SLC24A4: variants seen among roughly 807,000 people sequenced by gnomAD.
The protein encoded by SLC24A4 is sodium/potassium/calcium exchanger 4.
SLC24A4 carries 53 observed loss-of-function variants against 79.0 expected under a neutral mutation model. The ratio of observed to expected loss-of-function variants is 0.67; its 90% CI spans 0.54 to 0.84. SLC24A4 has a LOEUF of 0.84. SLC24A4 is among the 40% of genes least tolerant of loss of function. SLC24A4 has a pLI of 0.00. For missense variants in SLC24A4, 731 were observed against 822.0 expected, an observed-to-expected ratio of 0.89 and a Z score of 1.35; for synonymous variants, 323 against 323.8, an observed-to-expected ratio of 1.00 and a Z score of 0.03.
intron 2 of SLC24A4, among the ~76,000 whole-genome samples, chr14:92,395,772 G>A (rs1251614084): frequency 6.6e-6 from 1 of 152,132 alleles, no homozygotes; most frequent in Non-Finnish European, 1.5e-5. Context: ...CTTTAGGGGT[G>A]TATACCTTCT....
intron 2 of SLC24A4, among the ~76,000 whole-genome samples, chr14:92,362,225 C>CTG (rs56811634): frequency 0.9 from 136,498 of 152,018 alleles, 63,083 homozygotes; most frequent in East Asian, 1. Context: ...GGTCCCTGTC[C>CTG]CTGTCCAGCC....
intron 13 of SLC24A4, chr14:92,484,041 G>A: frequency 2.0e-6 from 2 of 985,302 alleles, no homozygotes; most frequent in Non-Finnish European, 2.4e-6. Flanking sequence ...CACAGAAGCT[G>A]GTGACTCCCT....
intron 12 of SLC24A4, among the ~76,000 whole-genome samples, chr14:92,478,507 C>T (rs1157939977): frequency 2.0e-5 from 3 of 152,132 alleles, no homozygotes; most frequent in South Asian, 2.1e-4. Flanking sequence ...CAGTAAATGT[C>T]GAGTCCATAA....
intron 2 of SLC24A4, among the ~76,000 whole-genome samples, chr14:92,344,422 T>C (rs1176517252): frequency 6.6e-6 from 1 of 152,170 alleles, no homozygotes; most frequent in Non-Finnish European, 1.5e-5. Flanking sequence ...ACTGATACAG[T>C]TTCTCAGTAG....
chr14:92,383,113 T>C (rs1319233245), intron 2 of SLC24A4, among the ~76,000 whole-genome samples: 1 of 152,204 alleles, frequency 6.6e-6, no homozygotes, highest in Non-Finnish European at 1.5e-5. Flanking sequence ...ATCATTTCTA[T>C]GGCTTCACAT....
At position 92,443,483 on chromosome 14, in the gene SLC24A4, C is replaced by T; in HGVS notation, c.657+9C>T. On this transcript the variant is annotated intron_variant, in intron 7 of 16. Coordinates refer to ENST00000532405, the MANE Select transcript of SLC24A4 (RefSeq NM_153646.4). ...TCATCGTGCTCATCGTGGTGAGTTG[C>T]CCCTCTGCCCCCAAGGTCAGGTTGG... The T allele has an allele frequency of 9.9e-6, 16 of 1,614,034 alleles. No homozygotes were observed. The highest frequency in any genetic ancestry group is 1.3e-5 in the Non-Finnish European group (15 of 1,179,912).
chr14:92,333,560 T>C (rs1179019795), intron 2 of SLC24A4, among the ~76,000 whole-genome samples: 1 of 152,208 alleles, frequency 6.6e-6, no homozygotes, highest in Non-Finnish European at 1.5e-5. Context: ...ATTTGCTTTA[T>C]TGTGTGTGGT....
chr14:92,397,048 CTATT>C (rs1465367213), intron 2 of SLC24A4, among the ~76,000 whole-genome samples: 1 of 152,178 alleles, frequency 6.6e-6, no homozygotes, highest in African/African-American at 2.4e-5. Context: ...ACATTTTCTT[CTATT>C]TATTTCTGGG....
chr14:92,474,863 A>ATATATATATATTT lies in SLC24A4; in HGVS notation c.1256-7816_1256-7815insATATATATATTTT, dbSNP rs36185636. 2.3e-4 allele frequency among the ~76,000 whole-genome samples: 13 copies of ATATATATATATTT among 57,124 alleles called. 1 individual carries two copies. Among genetic ancestry groups the ATATATATATATTT allele is most frequent in the East Asian group, 1.4e-3 (3 of 2,122 alleles). The allele number at this position is 57,124 out of a possible 152,430, so 37.5% of individuals were successfully genotyped here. On this transcript the variant is annotated intron_variant, in intron 12 of 16. Transcript: ENST00000532405. ...TGTGTGTATATATATATATATATAT[A>ATATATATATATTT]TTTTTTTTTTTTTTAGTAGACACAG... is the stretch of plus-strand genomic sequence containing the variant.
intron 12 of SLC24A4, 32 bp from the exon 13 acceptor site, chr14:92,482,648 C>A: frequency 6.4e-7 from 1 of 1,567,658 alleles, no homozygotes; most frequent in Non-Finnish European, 8.7e-7. Context: ...TTCTCTCCCC[C>A]TCCTTTCTCA....
chr14:92,371,629 G>C (rs190637737), intron 2 of SLC24A4, among the ~76,000 whole-genome samples: 1 of 151,940 alleles, frequency 6.6e-6, no homozygotes, highest in Non-Finnish European at 1.5e-5. Context: ...CACCCCATTC[G>C]GGACCCCTCT....
At position 92,323,837 on chromosome 14, in the gene SLC24A4, C is replaced by G. The variant is rs2141580526; in HGVS notation, c.7C>G (p.Leu3Val). The G allele has an allele frequency of 6.3e-7, 1 of 1,577,380 alleles. No individual in the cohort carries two copies. The highest frequency in any genetic ancestry group is 8.6e-7 in the Non-Finnish European group (1 of 1,169,114). MA[L>V]RGTLRPLKVR... ...GGCACCCAGGCGCTCCGGGATGGCG[C>G]TCCGCGGGACCCTCCGGCCGCTCAA... The change falls in exon 1 of 17, where the codon CTC becomes GTC. Residue 3 changes from leucine (L) to valine (V), a missense_variant. Transcript: ENST00000532405. This position sits in a 1 kb window ranked among gnomAD's most constrained non-coding sequence, Gnocchi z 4.9.
chr14:92,437,387 C>G (rs1162322461), intron 3 of SLC24A4, among the ~76,000 whole-genome samples: 1 of 152,234 alleles, frequency 6.6e-6, no homozygotes, highest in Non-Finnish European at 1.5e-5. Context: ...CACTGTATCT[C>G]TGATCCCCTC....
At chr14:92,480,343 G>A (rs1412040541) in intron 12 of SLC24A4, among the ~76,000 whole-genome samples, 2 of 109,940 alleles carry the variant, frequency 1.8e-5, no homozygotes, top group African/African-American at 6.4e-5. Context: ...CCGAACTGCG[G>A]ACTGCAGTGG....
chr14:92,417,165 A>G (rs968827854), intron 2 of SLC24A4, among the ~76,000 whole-genome samples: 1 of 152,200 alleles, frequency 6.6e-6, no homozygotes, highest in Non-Finnish European at 1.5e-5. Flanking sequence ...CCATATAACA[A>G]CATTCATTTC....
Position 92,325,954 on chromosome 14 carries a change from A to C in SLC24A4, c.217A>C (p.Thr73Pro). Reference sequence around the variant, plus strand: ...GATGGCCCCAGTGAATGGGACACAGACAGCCAAGAACTGCACAGATCCTGG... The same window carrying C: ...GATGGCCCCAGTGAATGGGACACAGCCAGCCAAGAACTGCACAGATCCTGG... ...KLMAPVNGTQ[T>P]AKNCTDPAIH... The change falls in exon 2 of 17, where the codon ACA becomes CCA. Residue 73 changes from threonine (T) to proline (P), a missense_variant. Physicochemically the swap from Thr to Pro is conservative, Grantham distance 38 (BLOSUM62 -1). Transcript: ENST00000532405. 1 of 1,611,240 alleles carries C rather than the reference A, an allele frequency of 6.2e-7. No individual in the cohort carries two copies. The highest frequency in any genetic ancestry group is 2.2e-5 in the East Asian group (1 of 44,886).
chr14:92,474,863 A>ATATTTTT (rs36185636), intron 12 of SLC24A4, among the ~76,000 whole-genome samples: 3 of 57,122 alleles, frequency 5.3e-5, no homozygotes, highest in Admixed American at 2.1e-4. Context: ...ATATATATAT[A>ATATTTTT]TTTTTTTTTT....
chr14:92,417,775 G>A (rs1891060812), intron 2 of SLC24A4, among the ~76,000 whole-genome samples: 2 of 152,170 alleles, frequency 1.3e-5, no homozygotes, highest in East Asian at 1.9e-4. Flanking sequence ...AACTACCTGC[G>A]GTATTCAGTA....
rs1180058107 is a variant in SLC24A4 at position 92,491,684 on chromosome 14, C to T, written c.1557C>T (p.Val519=). ...CTGCAGGCCTTGGGGACATGGCAGTCTCCAACACCATAGGAAGCAACGTGT... is the reference window on the plus strand; with the variant it reads ...CTGCAGGCCTTGGGGACATGGCAGTTTCCAACACCATAGGAAGCAACGTGT... ...VARQGLGDMA[V]SNTIGSNVFD... Residue 519 remains valine (V), a synonymous_variant, in exon 15 of 17, where the codon GTC becomes GTT. Transcript: ENST00000532405. The T allele has an allele frequency of 1.2e-6, 2 of 1,613,870 alleles. No homozygotes were observed. The highest frequency in any genetic ancestry group is 1.7e-6 in the Non-Finnish European group (2 of 1,179,750).
Sources: gnomAD v4.1 joint callset for allele counts (sites outside exome capture counted in the v4.1 genomes callset) on GRCh38, gnomAD v4.1.1 for gene constraint, Gnocchi (gnomAD v3.1) non-coding constraint, MANE v1.5 for transcripts, NCBI Gene and HGNC (gene_info 2026-07-23, HGNC 2026-07-21) for gene names.